CDK14: variants seen among roughly 807,000 people sequenced by gnomAD.
The protein encoded by CDK14 is cyclin-dependent kinase 14.
A neutral mutation model predicts 60.7 loss-of-function variants in CDK14; 34 were observed. The ratio of observed to expected loss-of-function variants is 0.56; its 90% CI spans 0.43 to 0.75. CDK14 has a LOEUF of 0.75. Among genes scored for constraint, CDK14 ranks in the 30% least tolerant of loss-of-function variants. The pLI, the probability that CDK14 is intolerant of heterozygous loss-of-function variation, is 0.00. For missense variants in CDK14, 482 were observed against 564.1 expected (o/e 0.85, Z 1.47); for synonymous variants, 197 against 203.7 (o/e 0.97, Z 0.28).
intron 6 of CDK14, among the ~76,000 whole-genome samples, chr7:90,897,970 G>C (rs1030348468): frequency 3.9e-5 from 6 of 151,964 alleles, no homozygotes; most frequent in African/African-American, 1.4e-4. Flanking sequence ...CCAAGATAAA[G>C]GCAATTTTGT....
At chr7:91,135,577 A>G (rs803163) in intron 14 of CDK14, among the ~76,000 whole-genome samples, 27,064 of 152,086 alleles carry the variant, frequency 0.18, 3,042 homozygotes, top group East Asian at 0.53. Flanking sequence ...GTTTAATCCA[A>G]AGAGGGAGAT....
At chr7:90,637,997 A>C (rs1273316004) in intron 2 of CDK14, among the ~76,000 whole-genome samples, 3 of 125,242 alleles carry the variant, frequency 2.4e-5, no homozygotes, top group Admixed American at 1.8e-4. Context: ...GTAGATCTTC[A>C]TCCTTTTATT....
chr7:90,645,758 C>T (rs1386164218), intron 2 of CDK14, among the ~76,000 whole-genome samples: 1 of 152,110 alleles, frequency 6.6e-6, no homozygotes, highest in African/African-American at 2.4e-5. Flanking sequence ...AAAGCAAGCC[C>T]ACTTCAAGAT....
At chr7:91,009,757 T>C (rs1796096203) in intron 10 of CDK14, among the ~76,000 whole-genome samples, 1 of 152,124 alleles carries the variant, frequency 6.6e-6, no homozygotes, top group South Asian at 2.1e-4. Flanking sequence ...TTTGTAAATA[T>C]TTTCTCTCAG....
At chr7:90,874,245 A>G (rs1288470748) in intron 6 of CDK14, among the ~76,000 whole-genome samples, 7 of 152,006 alleles carry the variant, frequency 4.6e-5, no homozygotes, top group Non-Finnish European at 1.0e-4. Flanking sequence ...TTGTTGAGGC[A>G]TTGTATTTTT....
intron 8 of CDK14, among the ~76,000 whole-genome samples, chr7:90,941,410 T>C (rs1222257809): frequency 6.6e-6 from 1 of 152,140 alleles, no homozygotes; most frequent in African/African-American, 2.4e-5. Flanking sequence ...TTCCAGGACA[T>C]TGGGGCTCCT....
At chr7:90,915,487 CAATGCCTGAGCCTGCACCCCCCAAAAAAT>C (rs1793052078) in intron 7 of CDK14, among the ~76,000 whole-genome samples, 3 of 152,160 alleles carry the variant, frequency 2.0e-5, no homozygotes, top group Non-Finnish European at 4.4e-5. Flanking sequence ...TATAGAGTAA[CAATGCCTGAGCCTGCACCCCCCAAAAAAT>C]AATGCCTGAG....
intron 6 of CDK14, among the ~76,000 whole-genome samples, chr7:90,871,144 T>C (rs1791360272): frequency 6.6e-6 from 1 of 152,196 alleles, no homozygotes; most frequent in Non-Finnish European, 1.5e-5. Flanking sequence ...GGTGATATGC[T>C]GGACCTATTT....
chr7:91,195,187 G>T (rs1284329058), intron 14 of CDK14, among the ~76,000 whole-genome samples: 4 of 152,208 alleles, frequency 2.6e-5, no homozygotes, highest in Non-Finnish European at 5.9e-5. Context: ...TCCAATACAT[G>T]CAACCACAGT....
At chr7:90,736,287 C>T (rs1367929228) in intron 3 of CDK14, among the ~76,000 whole-genome samples, 1 of 149,790 alleles carries the variant, frequency 6.7e-6, no homozygotes, top group South Asian at 2.1e-4. Flanking sequence ...CCAGCAAATC[C>T]TGTCTGCTGC....
Position 90,984,241 on chromosome 7 carries a change from G to A in CDK14, c.1041G>A (p.Leu347=). The part of the protein sequence containing the change: ...DIQDQLERIF[L]VLGTPNEDTW... ...AGGATCAACTTGAACGAATATTTCT[G>A]GTAAGTCCTTTACAGAGTATTTCTA... The change falls in exon 10 of 15, where the codon CTG becomes CTA. Residue 347 remains leucine, a splice_region_variant and synonymous_variant. Transcript: ENST00000380050. The A allele has an allele frequency of 6.3e-7, 1 of 1,595,456 alleles. No individual in the cohort carries two copies. Among genetic ancestry groups the A allele is most frequent in the South Asian group, 1.1e-5 (1 of 90,692 alleles).
chr7:90,863,176 T>C lies in CDK14; in HGVS notation c.546T>C (p.Ala182=). 1 of 1,578,030 alleles carries C rather than the reference T, an allele frequency of 6.3e-7. No homozygotes were observed. Among genetic ancestry groups the C allele is most frequent in the Non-Finnish European group, 8.7e-7 (1 of 1,152,412 alleles). Residue 182 remains alanine (A), a splice_region_variant and synonymous_variant, in exon 6 of 15, where the codon GCT becomes GCC. Coordinates refer to ENST00000380050, the MANE Select transcript of CDK14 (RefSeq NM_001287135.2). ...EGTPFTAIRE[A]SLLKGLKHAN... ...TTCTCTGTCCATTTTGTTTTACAGC[T>C]TCTCTTTTAAAAGGACTAAAACATG...
intron 9 of CDK14, among the ~76,000 whole-genome samples, chr7:90,968,718 A>G (rs1794829976): frequency 6.6e-6 from 1 of 152,174 alleles, no homozygotes; most frequent in Non-Finnish European, 1.5e-5. Context: ...ATAGAAATAA[A>G]TAAATTTCCA....
chr7:90,914,167 C>T (rs1304575998), intron 7 of CDK14, among the ~76,000 whole-genome samples: 1 of 152,150 alleles, frequency 6.6e-6, no homozygotes, highest in Non-Finnish European at 1.5e-5. Flanking sequence ...TTTGTCATAA[C>T]ATTTTAACTT....
At chr7:90,780,976 A>G (rs992492631) in intron 4 of CDK14, among the ~76,000 whole-genome samples, 7 of 152,012 alleles carry the variant, frequency 4.6e-5, no homozygotes, top group Non-Finnish European at 8.8e-5. Context: ...AGGAATCGCC[A>G]CACTGACTTC....
chr7:91,194,627 G>A lies in CDK14; in HGVS notation c.*29-12538G>A, dbSNP rs538469418. Among the ~76,000 whole-genome samples, 3 of 152,148 alleles carry A rather than the reference G, an allele frequency of 2.0e-5. No individual in the cohort carries two copies. In the South Asian group the frequency reaches 6.2e-4, roughly 32 times the overall value. On this transcript the variant is annotated intron_variant, in intron 14 of 14. Transcript: ENST00000380050. ...AACAGAGGGCCACGAGACATGATAG[G>A]TGCTTAGGGTGCGATTTTAATACCA...
intron 13 of CDK14, among the ~76,000 whole-genome samples, chr7:91,116,593 G>A (rs887285858): frequency 6.6e-6 from 1 of 152,084 alleles, no homozygotes; most frequent in Non-Finnish European, 1.5e-5. Context: ...AATAAAACAG[G>A]TGCACCCATT....
At chr7:91,158,027 A>C (rs546277249) in intron 14 of CDK14, among the ~76,000 whole-genome samples, 1 of 150,034 alleles carries the variant, frequency 6.7e-6, no homozygotes, top group South Asian at 2.1e-4. Context: ...CTTTTTTCTC[A>C]ATATCCATTT....
chr7:90,984,403 G>A (rs1795320364), intron 10 of CDK14, among the ~76,000 whole-genome samples, 162 bp downstream of exon 10: 1 of 152,176 alleles, frequency 6.6e-6, no homozygotes, highest in Non-Finnish European at 1.5e-5. Context: ...AATCAGTTAA[G>A]AATTATGTTT....
Sources: gnomAD v4.1 joint callset for allele counts (sites outside exome capture counted in the v4.1 genomes callset) on GRCh38, gnomAD v4.1.1 for gene constraint, MANE v1.5 for transcripts, NCBI Gene and HGNC (gene_info 2026-07-23, HGNC 2026-07-21) for gene names.